Variants in RNFT1 observed in about 807,000 individuals in gnomAD.
RNFT1 encodes the protein ring finger protein, transmembrane 1.
A neutral mutation model predicts 53.2 loss-of-function variants in RNFT1; 35 were observed. That is an observed-to-expected ratio of 0.66 (90% CI 0.50 to 0.87). The LOEUF (loss-of-function observed/expected upper bound fraction) is 0.87, where lower values mean the gene tolerates loss of function less well. Ranked by LOEUF, RNFT1 falls within the 40% of genes least tolerant of loss-of-function variation. The pLI, the probability that RNFT1 is intolerant of heterozygous loss-of-function variation, is 0.00. For synonymous variants in RNFT1, 141 were observed against 172.8 expected (o/e 0.82, Z 1.44); for missense variants, 421 against 515.0 (o/e 0.82, Z 1.77).
rs765593493 is a variant in RNFT1 at position 59,953,068 on chromosome 17, T to C, written c.1217A>G (p.Glu406Gly). 1.2e-6 allele frequency: 2 copies of C among 1,612,174 alleles called. No homozygotes were observed. The highest frequency in any genetic ancestry group is 1.7e-6 in the Non-Finnish European group (2 of 1,178,266). Reference protein sequence around the residue: ...EECMTLWFNREKTCPLCRTVI... With the variant: ...EECMTLWFNRGKTCPLCRTVI... ...AGTTCTGCAGAGTGGACATGTTTTCTCTCTGTTAAACCATAAGGTCATGCA... is the reference window on the plus strand; with the variant it reads ...AGTTCTGCAGAGTGGACATGTTTTCCCTCTGTTAAACCATAAGGTCATGCA... The change falls in exon 9 of 9, where the codon GAG (glutamate) becomes GGG (glycine). Residue 406 changes from glutamate (E) to glycine (G), a missense_variant. By Grantham distance (98) the Glu-to-Gly change is moderately conservative. Transcript: ENST00000305783.
intron 7 of RNFT1, among the ~76,000 whole-genome samples, chr17:59,954,452 A>G (rs536043609): frequency 6.6e-6 from 1 of 152,346 alleles, no homozygotes; most frequent in African/African-American, 2.4e-5. Context: ...AAATGTAACT[A>G]TTATAAAATC....
chr17:59,958,252 G>A (rs761196281), intron 5 of RNFT1, 39 bp downstream of exon 5: 8 of 1,546,118 alleles, frequency 5.2e-6, no homozygotes, highest in East Asian at 2.3e-5. Flanking sequence ...AATGTGATTC[G>A]ATAACATCAC....
At chr17:59,956,391 A>G (rs543352110) in intron 7 of RNFT1, 97 bp downstream of exon 7, 1 of 752,694 alleles carries the variant, frequency 1.3e-6, no homozygotes, top group South Asian at 1.6e-5. Context: ...AGGATCATCT[A>G]TTTATGAAAT....
chr17:59,954,212 G>A (rs1339886805), intron 7 of RNFT1, 66 bp from the exon 8 acceptor site: 5 of 1,062,320 alleles, frequency 4.7e-6, no homozygotes, highest in Non-Finnish European at 7.1e-6. Flanking sequence ...AATTACATAA[G>A]TAATGCTGTA....
In RNFT1 at chr17:59,957,454, G is replaced by A. The variant is rs2045261305; in HGVS notation, c.847-72C>T. 6.0e-6 allele frequency: 6 copies of A among 1,006,238 alleles called. No homozygotes were observed. In the South Asian group the frequency reaches 9.6e-5, roughly 16 times the overall value. The allele number at this position is 1,006,238 out of a possible 1,614,324, so 62.3% of individuals were successfully genotyped here. A position where few individuals can be genotyped will look rare whatever the true frequency, so the allele number is the denominator to read the frequency against. ...TACATAGCACAAACAATATTAGACTGAGAACACTGAGTATATTATACAATA... is the reference window on the plus strand; with the variant it reads ...TACATAGCACAAACAATATTAGACTAAGAACACTGAGTATATTATACAATA... On this transcript the variant is annotated intron_variant, in intron 5 of 8. Coordinates refer to ENST00000305783, the MANE Select transcript of RNFT1 (RefSeq NM_016125.4).
chr17:59,962,087 G>A (rs554560926), intron 3 of RNFT1, among the ~76,000 whole-genome samples: 51 of 151,696 alleles, frequency 3.4e-4, no homozygotes, highest in African/African-American at 1.2e-3. Context: ...GGGTTTCACC[G>A]TGTTAGCCAG....
intron 3 of RNFT1, among the ~76,000 whole-genome samples, chr17:59,960,684 G>A (rs1204575777): frequency 1.3e-5 from 2 of 151,722 alleles, no homozygotes; most frequent in Non-Finnish European, 2.9e-5. Context: ...GCCGTGGCAC[G>A]TGCCTGTAAT....
chr17:59,953,136 T>G (rs1207876579), intron 8 of RNFT1, 25 bp from the exon 9 acceptor site: 3 of 1,547,702 alleles, frequency 1.9e-6, no homozygotes. Flanking sequence ...AGAATTAGAT[T>G]TGATATTTGA....
chr17:59,961,033 CT>C (rs527562328), intron 3 of RNFT1, among the ~76,000 whole-genome samples: 394 of 142,968 alleles, frequency 2.8e-3, no homozygotes, highest in Admixed American at 3.6e-3. Context: ...TGTAATCTCC[CT>C]TTTTTTTTTT....
rs112835092 is a variant in RNFT1 at position 59,962,562 on chromosome 17, A to G, written c.569T>C (p.Ile190Thr). ...TACTCTTAGAAAAACCTGATTTACA[A>G]TGCTTTTGTTTGCATACATAAAAGT... ...LTTFMYANKS[I>T]VNQVFLRERS... The change falls in exon 3 of 9, where the codon ATT becomes ACT. Residue 190 changes from isoleucine (I) to threonine (T), a missense_variant. Transcript: ENST00000305783. 48 of 1,606,282 alleles carry G rather than the reference A, an allele frequency of 3.0e-5. No individual in the cohort carries two copies. The East Asian group carries it at 5.6e-4, about 19-fold the overall frequency.
At chr17:59,958,591 G>A (rs2045268416) in intron 4 of RNFT1, 147 bp from the exon 5 acceptor site, 1 of 738,576 alleles carries the variant, frequency 1.4e-6, no homozygotes, top group African/African-American at 1.8e-5. Context: ...TAATGGAATG[G>A]AGGATCATTT....
At chr17:59,960,717 G>A (rs1185216785) in intron 3 of RNFT1, among the ~76,000 whole-genome samples, 1 of 151,830 alleles carries the variant, frequency 6.6e-6, no homozygotes, top group Non-Finnish European at 1.5e-5. Flanking sequence ...GGAGGCTGAG[G>A]CACGAGAATC....
Position 59,953,025 on chromosome 17 carries a change from T to C in RNFT1, c.1260A>G (p.Ile420Met). Residue 420 changes from isoleucine to methionine, a missense_variant, in exon 9 of 9, where the codon ATA (isoleucine) becomes ATG (methionine). Ile to Met is a conservative substitution (Grantham distance 10). Transcript: ENST00000305783. ...PLCRTVISDH[I>M]NKWKDGATSS... ...AAGTGGCTCCATCCTTCCATTTGTTTATATGGTCTGAAATCACAGTTCTGC... is the reference window on the plus strand; with the variant it reads ...AAGTGGCTCCATCCTTCCATTTGTTCATATGGTCTGAAATCACAGTTCTGC... 1 of 1,613,622 alleles carries C rather than the reference T, an allele frequency of 6.2e-7. No individual in the cohort carries two copies. Among genetic ancestry groups the C allele is most frequent in the Non-Finnish European group, 8.5e-7 (1 of 1,179,636 alleles).
Position 59,963,182 on chromosome 17 carries a change from G to A in RNFT1, c.159C>T (p.Ser53=), listed in dbSNP as rs777102208. The part of the protein sequence containing the change: ...SQLHSPPGTG[S]SEDASTPQCV... ...ACTGAGGGGTTGAGGCATCCTCACTGCTTCCAGTTCCTGGAGGACTGTGCA... is the reference window on the plus strand; with the variant it reads ...ACTGAGGGGTTGAGGCATCCTCACTACTTCCAGTTCCTGGAGGACTGTGCA... Residue 53 remains serine (S), a synonymous_variant, in exon 2 of 9, where the codon AGC becomes AGT. Coordinates refer to ENST00000305783, the MANE Select transcript of RNFT1 (RefSeq NM_016125.4). 1 of 1,614,180 alleles carries A rather than the reference G, an allele frequency of 6.2e-7. No individual in the cohort carries two copies. Among genetic ancestry groups the A allele is most frequent in the African/African-American group, 1.3e-5 (1 of 75,052 alleles).
In RNFT1 at chr17:59,953,109, AT is replaced by A; in HGVS notation, c.1175del (p.His392LeufsTer8). The A allele has an allele frequency of 1.3e-6, 2 of 1,598,352 alleles. No individual in the cohort carries two copies. The highest frequency in any genetic ancestry group is 1.7e-6 in the Non-Finnish European group (2 of 1,167,004). On this transcript the variant is annotated frameshift_variant and splice_region_variant, in exon 9 of 9. Transcript: ENST00000305783. LOFTEE classifies it high-confidence loss of function. ...FQKPILLICQ[H>X]IFCEECMTLW... ...AGGTCATGCACTCTTCACAAAATAT[AT>A]GCTGTAATGGAATTAAGAATTAGAT...
intron 8 of RNFT1, 101 bp downstream of exon 8, chr17:59,953,943 AC>A: frequency 2.9e-6 from 2 of 686,666 alleles, no homozygotes; most frequent in Non-Finnish European, 2.4e-6. Flanking sequence ...TCCACTAAAC[AC>A]TAGATTTTTT....
chr17:59,963,624 A>G (rs2045311926), intron 1 of RNFT1, among the ~76,000 whole-genome samples: 2 of 152,300 alleles, frequency 1.3e-5, no homozygotes, highest in South Asian at 4.1e-4. Flanking sequence ...ACTCTGGTAC[A>G]TTTACTTTTC....
chr17:59,955,049 G>A (rs1048543284), intron 7 of RNFT1, among the ~76,000 whole-genome samples: 1 of 152,124 alleles, frequency 6.6e-6, no homozygotes, highest in Non-Finnish European at 1.5e-5. Context: ...ATGGGGAAGA[G>A]GTAACTAAAG....
In RNFT1 at chr17:59,962,891, C is replaced by A; in HGVS notation, c.450G>T (p.Trp150Cys). ...SFSEFRYLFKWLQKSLPYILI... is the reference protein window; with the variant it reads ...SFSEFRYLFKCLQKSLPYILI... ...AAATATATGGAAGACTTTTTTGCAG[C>A]CACTTGAAGAGATAGCGGAATTCTG... Residue 150 changes from tryptophan (W) to cysteine (C), a missense_variant, in exon 2 of 9, where the codon TGG (tryptophan) becomes TGT (cysteine). Physicochemically the swap from Trp to Cys is radical, Grantham distance 215. Transcript: ENST00000305783. 6.2e-7 allele frequency: 1 copy of A among 1,613,602 alleles called. No homozygotes were observed. Among genetic ancestry groups the A allele is most frequent in the South Asian group, 1.1e-5 (1 of 91,060 alleles).
Sources: allele counts gnomAD v4.1 joint callset (sites outside exome capture counted in the v4.1 genomes callset), GRCh38; gene constraint gnomAD v4.1.1; transcripts MANE v1.5; gene names NCBI Gene and HGNC (gene_info 2026-07-23, HGNC 2026-07-21).